Variants in ADGRA1 observed in about 807,000 individuals in gnomAD.
ADGRA1 encodes adhesion G protein-coupled receptor A1.
ADGRA1 carries 12 observed loss-of-function variants against 21.3 expected under a neutral mutation model. The ratio of observed to expected loss-of-function variants is 0.56; its 90% confidence interval spans 0.36 to 0.91. The LOEUF (loss-of-function observed/expected upper bound fraction) is 0.91, where lower values mean the gene tolerates loss of function less well. Among genes scored for constraint, ADGRA1 ranks in the 40% least tolerant of loss-of-function variants. ADGRA1 has a pLI of 0.01. For missense variants in ADGRA1, 790 were observed against 805.6 expected (o/e 0.98, Z 0.23); for synonymous variants, 385 against 368.8 (o/e 1.04, Z -0.50).
At position 133,111,220 on chromosome 10, in the gene ADGRA1, G is replaced by GTGA. The variant is rs1564848973; in HGVS notation, c.401+8378_401+8379insTGA. Among the ~76,000 whole-genome samples, 210 of 53,334 alleles carry GTGA rather than the reference G, an allele frequency of 3.9e-3. 7 individuals are homozygous for GTGA. The highest frequency in any genetic ancestry group is 5.2e-3 in the Non-Finnish European group (138 of 26,560). The allele number at this position is 53,334 out of a possible 152,430, so 35.0% of individuals were successfully genotyped here. On this transcript the variant is annotated intron_variant, in intron 5 of 6. Coordinates refer to ENST00000392607, the MANE Select transcript of ADGRA1 (RefSeq NM_001083909.3). The stretch of plus-strand genomic sequence containing the variant: ...CCCTCCAGACAACCTGCCCACCACA[G>GTGA]GCACCTCCCTCCTAATCCCACCAGA...
At chr10:133,110,325 C>G (rs1233089970) in intron 5 of ADGRA1, among the ~76,000 whole-genome samples, 2 of 152,278 alleles carry the variant, frequency 1.3e-5, no homozygotes, top group Non-Finnish European at 2.9e-5. Context: ...CCGCTGGCCA[C>G]AGCTACGGAG....
chr10:133,105,820 C>T (rs1056230605), intron 5 of ADGRA1, among the ~76,000 whole-genome samples: 3 of 152,210 alleles, frequency 2.0e-5, no homozygotes, highest in East Asian at 1.9e-4. Flanking sequence ...GGCCCAGCAG[C>T]GAGAAGCCAG....
At chr10:133,120,030 G>A (rs1054904497) in intron 5 of ADGRA1, among the ~76,000 whole-genome samples, 1 of 152,240 alleles carries the variant, frequency 6.6e-6, no homozygotes, top group African/African-American at 2.4e-5. Context: ...AAGCTTGGAA[G>A]CCAGGCATTG....
intron 5 of ADGRA1, among the ~76,000 whole-genome samples, chr10:133,113,933 G>A (rs912314010): frequency 1.3e-4 from 20 of 152,362 alleles, no homozygotes; most frequent in Non-Finnish European, 2.5e-4. Flanking sequence ...TTTACAGATG[G>A]GGAAACCAAG....
chr10:133,092,751 GAGGAAGGAAGGAAGGA>G (rs1298330693), intron 2 of ADGRA1, among the ~76,000 whole-genome samples: 2 of 77,588 alleles, frequency 2.6e-5, no homozygotes, highest in Non-Finnish European at 4.6e-5. Context: ...AATAGGGAGG[GAGGAAGGAAGGAAGGA>G]AGGAAGGAAG....
intron 2 of ADGRA1, among the ~76,000 whole-genome samples, chr10:133,090,499 C>T (rs1033030024): frequency 4.6e-5 from 7 of 152,226 alleles, no homozygotes; most frequent in African/African-American, 1.7e-4. Flanking sequence ...AGGAGTTGCC[C>T]TCCCGTGCTG....
chr10:133,111,182 CCT>C (rs1491014432), intron 5 of ADGRA1, among the ~76,000 whole-genome samples: 4 of 49,722 alleles, frequency 8.0e-5, no homozygotes, highest in African/African-American at 3.9e-4. Context: ...GCCGTGAGCA[CCT>C]CCCTCCTAAT....
chr10:133,112,420 CGGGCCA>C (rs1564850108), intron 5 of ADGRA1, among the ~76,000 whole-genome samples: 5 of 102,922 alleles, frequency 4.9e-5, no homozygotes, highest in Admixed American at 3.2e-4. Context: ...TTGGGGTCTG[CGGGCCA>C]TGTCGGTTAT....
chr10:133,122,697 C>T (rs906084335), intron 5 of ADGRA1, among the ~76,000 whole-genome samples: 3 of 152,232 alleles, frequency 2.0e-5, no homozygotes, highest in Non-Finnish European at 2.9e-5. Flanking sequence ...ACTGTGGTCA[C>T]GACCCGCGGG....
At chr10:133,115,550 G>A (rs117710050) in intron 5 of ADGRA1, among the ~76,000 whole-genome samples, 29 of 152,338 alleles carry the variant, frequency 1.9e-4, no homozygotes, top group Non-Finnish European at 3.5e-4. Flanking sequence ...ATGCTTGGCA[G>A]AAGGGCGCGC....
At chr10:133,095,261 A>T (rs1387599596) in intron 2 of ADGRA1, among the ~76,000 whole-genome samples, 1 of 152,090 alleles carries the variant, frequency 6.6e-6, no homozygotes, top group African/African-American at 2.4e-5. Flanking sequence ...AGGCCCACCC[A>T]GCTCACCTCT....
chr10:133,100,112 A>G (rs1851763799), intron 4 of ADGRA1, among the ~76,000 whole-genome samples: 1 of 152,150 alleles, frequency 6.6e-6, no homozygotes. Flanking sequence ...CACGCAGAGG[A>G]GACGTCATGT....
At chr10:133,098,477 C>G (rs560234248) in intron 3 of ADGRA1, among the ~76,000 whole-genome samples, 163 bp from the exon 4 acceptor site, 1 of 152,178 alleles carries the variant, frequency 6.6e-6, no homozygotes, top group African/African-American at 2.4e-5. Context: ...CAGACTCGGA[C>G]GACCCATCTG....
At chr10:133,098,127 C>T (rs922476511) in intron 3 of ADGRA1, among the ~76,000 whole-genome samples, 1 of 152,178 alleles carries the variant, frequency 6.6e-6, no homozygotes, top group African/African-American at 2.4e-5. Context: ...ACAGCCTGGG[C>T]GGGTCGGGCC....
In ADGRA1 at chr10:133,122,551, T is replaced by C. The variant is rs1852291739; in HGVS notation, c.402-4682T>C. Among the ~76,000 whole-genome samples the C allele has an allele frequency of 2.6e-5, 4 of 152,376 alleles. No individual in the cohort carries two copies. In the South Asian group the frequency reaches 8.3e-4, roughly 32 times the overall value. ...TGTTTCTTGTCTCTTTCTTCTTTTC[T>C]TTCCTTTCCTTTTAAAAATACTTTC... On this transcript the variant is annotated intron_variant, in intron 5 of 6. Transcript: ENST00000392607.
chr10:133,127,962 C>T (rs1852413758), intron 6 of ADGRA1, among the ~76,000 whole-genome samples: 1 of 104,520 alleles, frequency 9.6e-6, no homozygotes, highest in African/African-American at 4.0e-5. Context: ...GCCCTCTGCT[C>T]AGCCCCGCCC....
At chr10:133,109,933 G>C (rs1278304993) in intron 5 of ADGRA1, among the ~76,000 whole-genome samples, 4 of 152,232 alleles carry the variant, frequency 2.6e-5, no homozygotes, top group Non-Finnish European at 5.9e-5. Context: ...TCAGGGCGGG[G>C]CTGGAAGGAC....
At chr10:133,090,293 G>C (rs576745619) in intron 2 of ADGRA1, among the ~76,000 whole-genome samples, 1 of 152,258 alleles carries the variant, frequency 6.6e-6, no homozygotes, top group East Asian at 1.9e-4. Context: ...CTGGCTCCTG[G>C]TGGAGCTTCC....
At chr10:133,122,374 T>C (rs1049944893) in intron 5 of ADGRA1, among the ~76,000 whole-genome samples, 6 of 152,126 alleles carry the variant, frequency 3.9e-5, no homozygotes, top group Non-Finnish European at 8.8e-5. Flanking sequence ...GACCATCAGC[T>C]CCAACCAGCA....
Sources: allele counts gnomAD v4.1 joint callset (sites outside exome capture counted in the v4.1 genomes callset), GRCh38; gene constraint gnomAD v4.1.1; transcripts MANE v1.5; gene names NCBI Gene and HGNC (gene_info 2026-07-23, HGNC 2026-07-21).